COX6C: variants seen among roughly 807,000 people sequenced by gnomAD.
COX6C encodes the protein cytochrome c oxidase polypeptide VIc.
In COX6C, 3 loss-of-function variants were observed where a neutral mutation model predicts 6.9. The observed-to-expected ratio is 0.43, with a 90% CI of 0.20 to 1.12. The LOEUF (loss-of-function observed/expected upper bound fraction) is 1.12. COX6C is among the 50% of genes most tolerant of loss of function. The pLI is 0.27. For synonymous variants in COX6C, 32 were observed against 32.0 expected (o/e 1.00, Z 0.00); for missense variants, 101 against 97.3 (o/e 1.04, Z -0.16).
intron 3 of COX6C, among the ~76,000 whole-genome samples, chr8:99,881,614 G>A (rs781407301): frequency 6.6e-6 from 1 of 151,918 alleles, no homozygotes; most frequent in Non-Finnish European, 1.5e-5. Flanking sequence ...TAATCCCCAT[G>A]GTAACCACAA....
chr8:99,888,305 G>C (rs1817975272), intron 2 of COX6C, among the ~76,000 whole-genome samples: 2 of 152,058 alleles, frequency 1.3e-5, no homozygotes, highest in South Asian at 4.1e-4. Context: ...GGGCGTGGTG[G>C]CTCATGCCTA....
chr8:99,883,927 A>G (rs1291766104), intron 3 of COX6C, among the ~76,000 whole-genome samples: 2 of 152,232 alleles, frequency 1.3e-5, no homozygotes, highest in Non-Finnish European at 2.9e-5. Context: ...CATCTCAAAA[A>G]ATGCAGAAAA....
rs539771511 is a variant in COX6C, at chr8:99,880,273, C to A, written c.*16-2008G>T. On this transcript the variant is annotated intron_variant, in intron 3 of 3. Coordinates refer to ENST00000520468, the MANE Select transcript of COX6C (RefSeq NM_004374.4). ...GACGATTGAAAGAAAGAAATCTCCA[C>A]AAACCAACCCTAAAGAAACAGAGGC... is the stretch of plus-strand genomic sequence containing the variant. Among the ~76,000 whole-genome samples the A allele has an allele frequency of 1.1e-4, 16 of 152,270 alleles. No homozygotes were observed. The Middle Eastern group carries it at 0.014, about 129-fold the overall frequency.
chr8:99,879,858 G>A (rs1429854953), intron 3 of COX6C, among the ~76,000 whole-genome samples: 1 of 152,214 alleles, frequency 6.6e-6, no homozygotes, highest in East Asian at 1.9e-4. Context: ...TAGGAGGTTG[G>A]AAAGAGCTGA....
rs143987522 is a variant in COX6C at position 99,884,577 on chromosome 8, C to G, written c.*15+2913G>C. On this transcript the variant is annotated intron_variant, in intron 3 of 3. Coordinates refer to ENST00000520468, the MANE Select transcript of COX6C (RefSeq NM_004374.4). The stretch of plus-strand genomic sequence containing the variant: ...GTAAGAAGGAAACTGAAACATGTCA[C>G]TATAAAATAAAGGAAAAGTACGGAA... Among the ~76,000 whole-genome samples, 69 of 152,176 alleles carry G rather than the reference C, an allele frequency of 4.5e-4. No individual in the cohort carries two copies. The East Asian group carries it at 0.013, about 28-fold the overall frequency.
At chr8:99,878,307 C>G (rs1281402146) in intron 3 of COX6C, 42 bp from the exon 4 acceptor site, 1 of 152,170 alleles carries the variant, frequency 6.6e-6, no homozygotes, top group Non-Finnish European at 1.5e-5. Flanking sequence ...GATAAACACT[C>G]TCTCAATACT....
intron 1 of COX6C, among the ~76,000 whole-genome samples, chr8:99,892,428 G>A (rs1162182840): frequency 6.6e-6 from 1 of 152,212 alleles, no homozygotes; most frequent in Non-Finnish European, 1.5e-5. Context: ...GATTTGGGTT[G>A]AGACATGGGT....
At chr8:99,883,433 ATGTGTGTGTGTGTG>A (rs1272786254) in intron 3 of COX6C, among the ~76,000 whole-genome samples, 1 of 145,670 alleles carries the variant, frequency 6.9e-6, no homozygotes, top group African/African-American at 2.6e-5. Flanking sequence ...GTATATATGT[ATGTGTGTGTGTGTG>A]TGTGTGTATA....
At position 99,887,380 on chromosome 8, in the gene COX6C, C is replaced by T. The variant is rs1169944609; in HGVS notation, c.*15+110G>A. The T allele has an allele frequency of 2.1e-5, 12 of 558,584 alleles. No individual in the cohort carries two copies. In the East Asian group the frequency reaches 2.6e-4, roughly 12 times the overall value. The allele number at this position is 558,584 out of a possible 1,614,324, so 34.6% of individuals were successfully genotyped here. On this transcript the variant is annotated intron_variant, in intron 3 of 3. Transcript: ENST00000520468. The stretch of plus-strand genomic sequence containing the variant: ...CAAATGTGTATCACTTCCACACCAT[C>T]GTAAAGTCAAAAAATCTTAAGTCTA...
At chr8:99,886,945 T>C (rs1352007416) in intron 3 of COX6C, 1 of 152,264 alleles carries the variant, frequency 6.6e-6, no homozygotes, top group East Asian at 1.9e-4. Context: ...TTAACACTAC[T>C]AAACTGTACA....
rs1335695005 is a variant in COX6C, at chr8:99,878,020, G to A, written c.*261C>T. 2 of 152,156 alleles carry A rather than the reference G, an allele frequency of 1.3e-5. No individual in the cohort carries two copies. Among genetic ancestry groups the A allele is most frequent in the East Asian group, 3.9e-4 (2 of 5,188 alleles). The allele number at this position is 152,156 out of a possible 1,614,324, so 9.4% of individuals were successfully genotyped here. On this transcript the variant is annotated 3_prime_UTR_variant, in exon 4 of 4. Coordinates refer to ENST00000520468, the MANE Select transcript of COX6C (RefSeq NM_004374.4). ...AACTATCACAGTTAAAGATGTGCTA[G>A]AACAATGAAATTTTAACAAAACACG... is the stretch of plus-strand genomic sequence containing the variant.
chr8:99,885,823 G>A (rs922256179), intron 3 of COX6C, among the ~76,000 whole-genome samples: 2 of 152,174 alleles, frequency 1.3e-5, no homozygotes, highest in African/African-American at 4.8e-5. Context: ...GGACACAACA[G>A]AGTGAAAAGG....
intron 3 of COX6C, among the ~76,000 whole-genome samples, chr8:99,879,889 G>T (rs1339339194): frequency 2.0e-5 from 3 of 152,176 alleles, no homozygotes; most frequent in Non-Finnish European, 2.9e-5. Context: ...GGGTACCATG[G>T]CATGAGTGAG....
At position 99,887,038 on chromosome 8, in the gene COX6C, T is replaced by G. The variant is rs1385341993; in HGVS notation, c.*15+452A>C. ...AGGTTACATTCTGATAAAACCATCA[T>G]AAGTTTAAAATATCTTAAGTTGAAA... On this transcript the variant is annotated intron_variant, in intron 3 of 3. Transcript: ENST00000520468. 2.0e-5 allele frequency: 3 copies of G among 152,308 alleles called. No homozygotes were observed. The East Asian group carries it at 5.8e-4, about 29-fold the overall frequency. 9.4% of individuals were successfully genotyped at this position (152,308 alleles called of 1,614,324 possible).
At chr8:99,892,353 C>T (rs1021948936) in intron 1 of COX6C, among the ~76,000 whole-genome samples, 19 of 152,080 alleles carry the variant, frequency 1.2e-4, no homozygotes, top group African/African-American at 4.4e-4. Flanking sequence ...CAAAAATTTA[C>T]ATTAAAATAA....
intron 2 of COX6C, 103 bp from the exon 3 acceptor site, chr8:99,887,721 C>T (rs1817966299): frequency 9.8e-6 from 7 of 714,656 alleles, no homozygotes; most frequent in Non-Finnish European, 1.5e-5. Flanking sequence ...TTTTGTTCAC[C>T]CTTTAATTTA....
rs1817964308 is a variant in COX6C, at chr8:99,887,598, T to G, written c.135A>C (p.Arg45Ser). ...TGTAGAAATCTGCGTATGCCTTCTT[T>G]CTTTGATCAGCCACACGAAACTAAA... ...ALYKFRVADQ[R>S]KKAYADFYRN... The change falls in exon 3 of 4, where the codon AGA (arginine) becomes AGC (serine). Residue 45 changes from arginine (R) to serine (S), a missense_variant. Arg to Ser is a moderately radical substitution (Grantham distance 110, BLOSUM62 -1). Transcript: ENST00000520468. 1.2e-6 allele frequency: 2 copies of G among 1,602,738 alleles called. No homozygotes were observed. Among genetic ancestry groups the G allele is most frequent in the Admixed American group, 3.5e-5 (2 of 56,960 alleles).
intron 2 of COX6C, 142 bp from the exon 3 acceptor site, chr8:99,887,760 G>A (rs994317311): frequency 5.9e-6 from 3 of 509,886 alleles, no homozygotes; most frequent in African/African-American, 2.0e-5. Flanking sequence ...GGGTGGAGGT[G>A]GTGACAGATA....
intron 2 of COX6C, 105 bp downstream of exon 2, chr8:99,891,803 A>C: frequency 3.2e-6 from 3 of 944,712 alleles, no homozygotes; most frequent in South Asian, 1.3e-5. Flanking sequence ...TGAGTGCAGA[A>C]AGGGTTAGAA....
Sources: allele counts gnomAD v4.1 joint callset (sites outside exome capture counted in the v4.1 genomes callset), GRCh38; gene constraint gnomAD v4.1.1; transcripts MANE v1.5; gene names NCBI Gene and HGNC (gene_info 2026-07-23, HGNC 2026-07-21).